The following ZNF687 variants were observed in gnomAD, a reference collection of about 807,000 sequenced individuals.
ZNF687 encodes the protein zinc finger protein 687.
ZNF687 carries 13 observed loss-of-function variants against 71.8 expected under a neutral mutation model. That is an observed-to-expected ratio of 0.18 (90% confidence interval 0.12 to 0.29). ZNF687 has a LOEUF of 0.29. ZNF687 is among the 10% of genes least tolerant of loss of function. The pLI is 1.00. For synonymous variants in ZNF687, 673 were observed against 641.6 expected (o/e 1.05, Z -0.74); for missense variants, 1,412 against 1,625.6 (o/e 0.87, Z 2.26).
Position 151,286,712 on chromosome 1 carries a change from CCTG to C in ZNF687, c.424_426del (p.Ala142del). ...TTCCCTCCCAGGAACTCCCCACTCT[CCTG>C]CTCCTCCCAGTGGGGGCACCTGGAA... On this transcript the variant is annotated inframe_deletion, in exon 2 of 9. Coordinates refer to ENST00000336715, the MANE Select transcript of ZNF687 (RefSeq NM_020832.3). 1 of 1,614,198 alleles carries C rather than the reference CCTG, an allele frequency of 6.2e-7. No homozygotes were observed.
In ZNF687 at chr1:151,289,427, C is replaced by T; in HGVS notation, c.2521C>T (p.Leu841Phe). 1 of 1,614,194 alleles carries T rather than the reference C, an allele frequency of 6.2e-7. No homozygotes were observed. The highest frequency in any genetic ancestry group is 8.5e-7 in the Non-Finnish European group (1 of 1,180,054). The change falls in exon 5 of 9, where the codon CTC becomes TTC. Residue 841 changes from leucine (L) to phenylalanine (F), a missense_variant. Physicochemically the swap from Leu to Phe is conservative, Grantham distance 22. Coordinates refer to ENST00000336715, the MANE Select transcript of ZNF687 (RefSeq NM_020832.3). ...CGACACAGTCTTCACTCACAAACCC[C>T]TCCTCTCCTCACACTTCGACCAGCA... is the stretch of plus-strand genomic sequence containing the variant. ...MCDTVFTHKPLLSSHFDQHLL... is the reference protein window; with the variant it reads ...MCDTVFTHKPFLSSHFDQHLL...
Position 151,287,469 on chromosome 1 carries a change from G to C in ZNF687, c.1178G>C (p.Gly393Ala). ...PKVVSVQLGDGTRLKGTVLPV... is the reference protein window; with the variant it reads ...PKVVSVQLGDATRLKGTVLPV... Reference sequence around the variant, plus strand: ...GTGGTGAGCGTACAGTTGGGTGATGGTACAAGGCTGAAAGGCACTGTGCTG... The same window carrying C: ...GTGGTGAGCGTACAGTTGGGTGATGCTACAAGGCTGAAAGGCACTGTGCTG... Residue 393 changes from glycine to alanine, a missense_variant, in exon 2 of 9, where the codon GGT (glycine) becomes GCT (alanine). Transcript: ENST00000336715. The surrounding 1 kb of genome is among the most constrained non-coding windows in gnomAD (Gnocchi z 5.0). 1 of 1,614,176 alleles carries C rather than the reference G, an allele frequency of 6.2e-7. No homozygotes were observed. Among genetic ancestry groups the C allele is most frequent in the Non-Finnish European group, 8.5e-7 (1 of 1,180,032 alleles).
At position 151,289,358 on chromosome 1, in the gene ZNF687, C is replaced by CT; in HGVS notation, c.2472-19dup. On this transcript the variant is annotated intron_variant, in intron 4 of 8. Transcript: ENST00000336715. Reference sequence around the variant, plus strand: ...GGCTGCACCCAACCCTGCCTGATGTCTGCACTGTCCTCACTTCAGGCTGAT... The same window carrying CT: ...GGCTGCACCCAACCCTGCCTGATGTCTTGCACTGTCCTCACTTCAGGCTGAT... 6.2e-7 allele frequency: 1 copy of CT among 1,614,108 alleles called. No individual in the cohort carries two copies. Among genetic ancestry groups the CT allele is most frequent in the Admixed American group, 1.7e-5 (1 of 60,034 alleles).
In ZNF687 at chr1:151,287,576, G is replaced by A. The variant is rs748680413; in HGVS notation, c.1285G>A (p.Gly429Arg). The part of the protein sequence containing the change: ...VARKAVVLPG[G>R]TATSPKMIAK... ...TCGCAAGGCTGTGGTGCTGCCTGGG[G>A]GGACTGCCACCAGCCCTAAGATGAT... Residue 429 changes from glycine to arginine, a missense_variant, in exon 2 of 9, where the codon GGG becomes AGG. Physicochemically the swap from Gly to Arg is moderately radical, Grantham distance 125. Coordinates refer to ENST00000336715, the MANE Select transcript of ZNF687 (RefSeq NM_020832.3). The surrounding 1 kb of genome is among the most constrained non-coding windows in gnomAD (Gnocchi z 5.0). The A allele has an allele frequency of 6.2e-7, 1 of 1,613,912 alleles. No homozygotes were observed. The highest frequency in any genetic ancestry group is 1.3e-5 in the African/African-American group (1 of 74,922).
chr1:151,287,780 C>T lies in ZNF687; in HGVS notation c.1489C>T (p.Leu497=). 6.2e-7 allele frequency: 1 copy of T among 1,614,132 alleles called. No homozygotes were observed. The highest frequency in any genetic ancestry group is 8.5e-7 in the Non-Finnish European group (1 of 1,180,036). Residue 497 remains leucine (L), a synonymous_variant, in exon 2 of 9, where the codon CTG becomes TTG. Coordinates refer to ENST00000336715, the MANE Select transcript of ZNF687 (RefSeq NM_020832.3). The surrounding 1 kb of genome is among the most constrained non-coding windows in gnomAD (Gnocchi z 5.0). ...GTVISRTQSS[L]VEAFNKILNS... ...AGTGATATCACGGACCCAGTCCAGC[C>T]TGGTGGAGGCCTTCAACAAGATCCT...
In ZNF687 at chr1:151,287,552, C is replaced by T. The variant is rs1006862537; in HGVS notation, c.1261C>T (p.Arg421Cys). The T allele has an allele frequency of 6.2e-6, 10 of 1,614,072 alleles. No homozygotes were observed. Among genetic ancestry groups the T allele is most frequent in the East Asian group, 2.2e-5 (1 of 44,870 alleles). Reference sequence around the variant, plus strand: ...CATGCTGATGGCAGCCAGTGTGGCTCGCAAGGCTGTGGTGCTGCCTGGGGG... The same window carrying T: ...CATGCTGATGGCAGCCAGTGTGGCTTGCAAGGCTGTGGTGCTGCCTGGGGG... ...TAMLMAASVA[R>C]KAVVLPGGTA... The change falls in exon 2 of 9, where the codon CGC becomes TGC. Residue 421 changes from arginine to cysteine, a missense_variant. Physicochemically the swap from Arg to Cys is radical, Grantham distance 180. This residue lies in a region of ZNF687 where 133 missense variants were observed against 155.1 expected (regional missense o/e 0.86). Transcript: ENST00000336715. The surrounding 1 kb of genome is among the most constrained non-coding windows in gnomAD (Gnocchi z 5.0).
intron 1 of ZNF687, chr1:151,286,024 T>C: frequency 3.2e-6 from 1 of 315,766 alleles, no homozygotes. Flanking sequence ...TCCCTGTATT[T>C]CTAAGAACTC....
At chr1:151,284,028 G>T (rs1557766358) in intron 1 of ZNF687, 1 of 985,426 alleles carries the variant, frequency 1.0e-6, no homozygotes, top group East Asian at 1.1e-4. Flanking sequence ...CTCTGAGCTG[G>T]CCTGCTTGTT....
Position 151,287,124 on chromosome 1 carries a change from T to C in ZNF687, c.833T>C (p.Val278Ala). The C allele has an allele frequency of 6.2e-7, 1 of 1,614,094 alleles. No individual in the cohort carries two copies. Among genetic ancestry groups the C allele is most frequent in the Non-Finnish European group, 8.5e-7 (1 of 1,180,004 alleles). Residue 278 changes from valine (V) to alanine (A), a missense_variant, in exon 2 of 9, where the codon GTG (valine) becomes GCG (alanine). Around this residue, in one of 8 missense-constraint regions of ZNF687, gnomAD observed 490 missense variants for 489.9 expected, o/e 1.00. Coordinates refer to ENST00000336715, the MANE Select transcript of ZNF687 (RefSeq NM_020832.3). This position sits in a 1 kb window ranked among gnomAD's most constrained non-coding sequence, Gnocchi z 5.0. Reference sequence around the variant, plus strand: ...CAGAGCCCTCTTGCCTCCCCCAAAGTGCCCGTCTGTCAGCCCTTGAAGGAA... The same window carrying C: ...CAGAGCCCTCTTGCCTCCCCCAAAGCGCCCGTCTGTCAGCCCTTGAAGGAA... ...GHQSPLASPK[V>A]PVCQPLKEED...
At position 151,288,666 on chromosome 1, in the gene ZNF687, C is replaced by T. The variant is rs749518021; in HGVS notation, c.2254C>T (p.Arg752Trp). Reference sequence around the variant, plus strand: ...GCAAGCCAATTTTCAGACCCATCTCCGGGAGGCCTGTCTGCACGTCTCTCG... The same window carrying T: ...GCAAGCCAATTTTCAGACCCATCTCTGGGAGGCCTGTCTGCACGTCTCTCG... The part of the protein sequence containing the change: ...FLQANFQTHL[R>W]EACLHVSRRV... Residue 752 changes from arginine (R) to tryptophan (W), a missense_variant, in exon 3 of 9, where the codon CGG (arginine) becomes TGG (tryptophan). Physicochemically the swap from Arg to Trp is moderately radical, Grantham distance 101. This residue lies in a region of ZNF687 where 207 missense variants were observed against 239.2 expected (regional missense o/e 0.87). Transcript: ENST00000336715. The T allele has an allele frequency of 1.4e-5, 23 of 1,613,894 alleles. No individual in the cohort carries two copies. Among genetic ancestry groups the T allele is most frequent in the Middle Eastern group, 3.3e-4 (2 of 6,078 alleles).
chr1:151,290,654 A>C (rs1232492646), intron 8 of ZNF687, 61 bp from the exon 9 acceptor site: 3 of 1,579,026 alleles, frequency 1.9e-6, no homozygotes, highest in Non-Finnish European at 1.7e-6. Flanking sequence ...GGAAGCGAGC[A>C]TGGGGGTGCC....
At chr1:151,283,956 C>G (rs1438054302) in intron 1 of ZNF687, 1 of 985,408 alleles carries the variant, frequency 1.0e-6, no homozygotes, top group Non-Finnish European at 1.2e-6. Context: ...GTTGCTTCTT[C>G]GTAGATACAG....
upstream of ZNF687, chr1:151,282,126 C>A: frequency 8.1e-7 from 1 of 1,241,174 alleles, no homozygotes; most frequent in Non-Finnish European, 1.1e-6. Context: ...CATAAGAGGA[C>A]TGTGCGGGGC....
Position 151,290,107 on chromosome 1 carries a change from C to T in ZNF687, c.2965-15C>T. 1 of 1,613,780 alleles carries T rather than the reference C, an allele frequency of 6.2e-7. No individual in the cohort carries two copies. The highest frequency in any genetic ancestry group is 1.1e-5 in the South Asian group (1 of 91,076). ...TCCTGGAGCCTGGCTCTGACATCTACCCCTGCTCTCCTAGTCAGTGAAAAA... is the reference window on the plus strand; with the variant it reads ...TCCTGGAGCCTGGCTCTGACATCTATCCCTGCTCTCCTAGTCAGTGAAAAA... On this transcript the variant is annotated splice_polypyrimidine_tract_variant and intron_variant, in intron 6 of 8. Coordinates refer to ENST00000336715, the MANE Select transcript of ZNF687 (RefSeq NM_020832.3).
At chr1:151,283,495 C>T (rs920119975) in intron 1 of ZNF687, among the ~76,000 whole-genome samples, 2 of 151,802 alleles carry the variant, frequency 1.3e-5, no homozygotes, top group Admixed American at 1.3e-4. Flanking sequence ...CTTGCTTGGT[C>T]GACTGTCTGC....
At chr1:151,283,147 A>T in intron 1 of ZNF687, 1 of 985,314 alleles carries the variant, frequency 1.0e-6, no homozygotes, top group Non-Finnish European at 1.2e-6. Context: ...TTTCCCTTGT[A>T]GTTTCTCATG....
In ZNF687 at chr1:151,289,430, C is replaced by T; in HGVS notation, c.2524C>T (p.Leu842Phe). 6.2e-7 allele frequency: 1 copy of T among 1,614,200 alleles called. No homozygotes were observed. Among genetic ancestry groups the T allele is most frequent in the South Asian group, 1.1e-5 (1 of 91,090 alleles). Residue 842 changes from leucine to phenylalanine, a missense_variant, in exon 5 of 9, where the codon CTC (leucine) becomes TTC (phenylalanine). Physicochemically the swap from Leu to Phe is conservative, Grantham distance 22. Coordinates refer to ENST00000336715, the MANE Select transcript of ZNF687 (RefSeq NM_020832.3). ...CACAGTCTTCACTCACAAACCCCTC[C>T]TCTCCTCACACTTCGACCAGCACTT... ...CDTVFTHKPL[L>F]SSHFDQHLLP... is the part of the protein sequence containing the mutation.
At position 151,289,742 on chromosome 1, in the gene ZNF687, C is replaced by T. The variant is rs1032935847; in HGVS notation, c.2699C>T (p.Thr900Ile). 2.1e-5 allele frequency: 33 copies of T among 1,559,408 alleles called. No individual in the cohort carries two copies. The highest frequency in any genetic ancestry group is 2.7e-5 in the African/African-American group (2 of 73,416). Residue 900 changes from threonine (T) to isoleucine (I), a missense_variant, in exon 6 of 9, where the codon ACC (threonine) becomes ATC (isoleucine). Coordinates refer to ENST00000336715, the MANE Select transcript of ZNF687 (RefSeq NM_020832.3). ...AAAGGGGCCGGGGGTGCCCTGCTGA[C>T]CCCCAAGACTGAGCCTGAGGAGCTG... The part of the protein sequence containing the change: ...AGKGAGGALL[T>I]PKTEPEELAV...
At chr1:151,288,790 C>A in intron 3 of ZNF687, 84 bp downstream of exon 3, 1 of 1,435,272 alleles carries the variant, frequency 7.0e-7, no homozygotes, top group Non-Finnish European at 9.5e-7. Context: ...GATCCCCTAT[C>A]TTCCCTGCTA....
Sources: allele counts gnomAD v4.1 joint callset (sites outside exome capture counted in the v4.1 genomes callset), GRCh38; gene constraint gnomAD v4.1.1; regional missense constraint gnomAD v4.1.1; non-coding constraint Gnocchi (gnomAD v3.1); transcripts MANE v1.5; gene names NCBI Gene and HGNC (gene_info 2026-07-23, HGNC 2026-07-21).